Variants in CLEC4E observed in about 807,000 individuals in gnomAD.
The protein encoded by CLEC4E is C-type (calcium dependent, carbohydrate-recognition domain) lectin, superfamily member 9.
Under a neutral mutation model 24.7 loss-of-function variants are expected in CLEC4E, and 21 were observed. That is an observed-to-expected ratio of 0.85 (90% CI 0.60 to 1.22). The LOEUF (loss-of-function observed/expected upper bound fraction) is 1.22. CLEC4E is among the 50% of genes most tolerant of loss of function. The probability of loss-of-function intolerance (pLI) is 0.00; values close to 1 mark genes in which losing one functional copy is unlikely to be tolerated. For synonymous variants in CLEC4E, 94 were observed against 85.7 expected (o/e 1.10, Z -0.54); for missense variants, 249 against 254.1 (o/e 0.98, Z 0.14).
At chr12:8,536,233 T>G (rs375407895) in intron 4 of CLEC4E, 28 bp from the exon 5 acceptor site, 350 of 1,274,730 alleles carry the variant, frequency 2.7e-4, no homozygotes, top group Non-Finnish European at 3.9e-4. Context: ...TAAAAGGAGA[T>G]CAGTTATTTT....
rs1321699362 is a variant in CLEC4E, at chr12:8,533,864, T to C, written c.*774A>G. ...AGCTAAAATAAAAGTTAAGAAATAA[T>C]GGATGGGCTTGAGACAGGAAAGTGT... On this transcript the variant is annotated 3_prime_UTR_variant, in exon 6 of 6. Coordinates refer to ENST00000299663, the MANE Select transcript of CLEC4E (RefSeq NM_014358.4). The C allele has an allele frequency of 6.6e-6, 1 of 152,198 alleles. No homozygotes were observed. Among genetic ancestry groups the C allele is most frequent in the Non-Finnish European group, 1.5e-5 (1 of 68,042 alleles). The allele number at this position is 152,198 out of a possible 1,614,324, so 9.4% of individuals were successfully genotyped here. A position where few individuals can be genotyped will look rare whatever the true frequency, so the allele number is the denominator to read the frequency against.
intron 2 of CLEC4E, 115 bp downstream of exon 2, chr12:8,539,727 TAGGGAAAAAAAAA>T (rs1591726247): frequency 1.5e-6 from 1 of 668,562 alleles, no homozygotes; most frequent in African/African-American, 1.8e-5. Flanking sequence ...TAGAGATTAA[TAGGGAAAAAAAAA>T]AGGGTGAAAT....
At chr12:8,537,072 C>T (rs112683446) in intron 4 of CLEC4E, 43 bp downstream of exon 4, 21,405 of 1,581,110 alleles carry the variant, frequency 0.014, 189 homozygotes, top group Middle Eastern at 0.035. Flanking sequence ...GAGAGGTGGA[C>T]CATGTCGGGA....
chr12:8,537,832 G>T (rs1250206896), intron 3 of CLEC4E, among the ~76,000 whole-genome samples: 2 of 152,220 alleles, frequency 1.3e-5, no homozygotes, highest in East Asian at 3.9e-4. Flanking sequence ...TTAGTTTGTA[G>T]CAATTACTTT....
In CLEC4E at chr12:8,536,117, TC is replaced by T. The variant is rs766981332; in HGVS notation, c.460del (p.Asp154ThrfsTer5). On this transcript the variant is annotated frameshift_variant, in exon 5 of 6. Transcript: ENST00000299663. LOFTEE classifies it low-confidence loss of function (END_TRUNC). ...CAGAGACTTTGTCAAAGGTGTGCCG[TC>T]CACCCATTGCCACTGACCCTCGACA... ...QVVEGQWQWVDGTPLTKSLSF... is the reference protein window; with the variant it reads ...QVVEGQWQWVXGTPLTKSLSF... The T allele has an allele frequency of 1.2e-6, 2 of 1,612,666 alleles. No individual in the cohort carries two copies. Among genetic ancestry groups the T allele is most frequent in the East Asian group, 4.5e-5 (2 of 44,848 alleles).
intron 1 of CLEC4E, 23 bp from the exon 2 acceptor site, chr12:8,539,970 A>C: frequency 7.2e-7 from 1 of 1,391,784 alleles, no homozygotes; most frequent in African/African-American, 1.4e-5. Flanking sequence ...AGACACAAAC[A>C]TGATCAATCT....
chr12:8,533,308 T>A lies in CLEC4E; in HGVS notation c.*1330A>T, dbSNP rs1031738661. Reference sequence around the variant, plus strand: ...GTACTCTTTAATAACGTCATCAGTATTGGTAGAATTTTATGCAATAAATGA... The same window carrying A: ...GTACTCTTTAATAACGTCATCAGTAATGGTAGAATTTTATGCAATAAATGA... On this transcript the variant is annotated 3_prime_UTR_variant, in exon 6 of 6. Coordinates refer to ENST00000299663, the MANE Select transcript of CLEC4E (RefSeq NM_014358.4). 6.6e-6 allele frequency: 1 copy of A among 152,222 alleles called. No individual in the cohort carries two copies. The highest frequency in any genetic ancestry group is 2.4e-5 in the African/African-American group (1 of 41,464). The allele number at this position is 152,222 out of a possible 1,614,324, so 9.4% of individuals were successfully genotyped here. A position where few individuals can be genotyped will look rare whatever the true frequency, so the allele number is the denominator to read the frequency against.
chr12:8,537,143 A>G lies in CLEC4E; in HGVS notation c.344T>C (p.Leu115Pro), dbSNP rs1422601978. The G allele has an allele frequency of 6.2e-7, 1 of 1,613,684 alleles. No homozygotes were observed. The highest frequency in any genetic ancestry group is 1.7e-5 in the Admixed American group (1 of 59,950). ...CTCCTCCTGTGAGTTGATAACCACC[A>G]GGTGAGCCCCCATGGCTGAGCAGTT... ...LKNCSAMGAH[L>P]VVINSQEEQE... Residue 115 changes from leucine to proline, a missense_variant, in exon 4 of 6, where the codon CTG (leucine) becomes CCG (proline). Transcript: ENST00000299663.
chr12:8,538,008 G>T lies in CLEC4E; in HGVS notation c.221-742C>A, dbSNP rs193162825. Among the ~76,000 whole-genome samples the T allele has an allele frequency of 2.0e-5, 3 of 152,370 alleles. No individual in the cohort carries two copies. The East Asian group carries it at 5.8e-4, about 29-fold the overall frequency. ...CCACCAGAGGGCTCCTTGGTCTAGCGGTGACGCCAGCGTCTGGGAAGACGC... is the reference window on the plus strand; with the variant it reads ...CCACCAGAGGGCTCCTTGGTCTAGCTGTGACGCCAGCGTCTGGGAAGACGC... On this transcript the variant is annotated intron_variant, in intron 3 of 5. Coordinates refer to ENST00000299663, the MANE Select transcript of CLEC4E (RefSeq NM_014358.4).
chr12:8,539,183 T>TA, intron 3 of CLEC4E, 34 bp downstream of exon 3: 1 of 1,429,644 alleles, frequency 7.0e-7, no homozygotes, highest in Middle Eastern at 1.8e-4. Flanking sequence ...TGTTGCTTTG[T>TA]AAATTTTGAT....
intron 5 of CLEC4E, among the ~76,000 whole-genome samples, chr12:8,535,112 T>C (rs776432894): frequency 2.0e-5 from 3 of 152,348 alleles, no homozygotes; most frequent in South Asian, 4.1e-4. Flanking sequence ...ATGGGGAAGA[T>C]TGATATTCTG....
At chr12:8,539,363 C>A in intron 2 of CLEC4E, 57 bp from the exon 3 acceptor site, 1 of 1,104,412 alleles carries the variant, frequency 9.1e-7, no homozygotes, top group South Asian at 1.4e-5. Context: ...AATGTCAGTT[C>A]CCTCAGTTTT....
intron 4 of CLEC4E, 68 bp downstream of exon 4, chr12:8,537,047 G>T: frequency 6.8e-7 from 1 of 1,465,882 alleles, no homozygotes; most frequent in Non-Finnish European, 9.4e-7. Flanking sequence ...CAAGCACTGT[G>T]CATATGTATG....
At chr12:8,535,515 C>T (rs951402157) in intron 5 of CLEC4E, among the ~76,000 whole-genome samples, 3 of 152,072 alleles carry the variant, frequency 2.0e-5, no homozygotes, top group African/African-American at 4.8e-5. Flanking sequence ...CCACGGCACA[C>T]GTTTACCTAT....
At chr12:8,540,566 C>T (rs1173625660) in intron 1 of CLEC4E, among the ~76,000 whole-genome samples, 195 bp downstream of exon 1, 2 of 152,122 alleles carry the variant, frequency 1.3e-5, no homozygotes, top group Non-Finnish European at 2.9e-5. Context: ...AAACTGATAG[C>T]TCTCCCTTAG....
At chr12:8,536,941 T>G (rs759635498) in intron 4 of CLEC4E, among the ~76,000 whole-genome samples, 174 bp downstream of exon 4, 3 of 152,166 alleles carry the variant, frequency 2.0e-5, no homozygotes, top group Non-Finnish European at 2.9e-5. Flanking sequence ...TAGGTTCTTC[T>G]AGGAAGGAAA....
At chr12:8,540,369 T>G (rs1940681321) in intron 1 of CLEC4E, among the ~76,000 whole-genome samples, 1 of 152,136 alleles carries the variant, frequency 6.6e-6, no homozygotes. Context: ...TTGCTTTTCT[T>G]GTCCTTCTCC....
chr12:8,537,080 G>C, intron 4 of CLEC4E, 35 bp downstream of exon 4: 1 of 1,592,144 alleles, frequency 6.3e-7, no homozygotes, highest in Non-Finnish European at 8.6e-7. Context: ...GACCATGTCG[G>C]GAATGTTACA....
At chr12:8,536,532 T>C (rs1214122333) in intron 4 of CLEC4E, among the ~76,000 whole-genome samples, 1 of 152,124 alleles carries the variant, frequency 6.6e-6, no homozygotes, top group Non-Finnish European at 1.5e-5. Context: ...CACTCCAGCC[T>C]GGGCAACACA....
Sources: allele counts gnomAD v4.1 joint callset (sites outside exome capture counted in the v4.1 genomes callset), GRCh38; gene constraint gnomAD v4.1.1; transcripts MANE v1.5; gene names NCBI Gene and HGNC (gene_info 2026-07-23, HGNC 2026-07-21).